The following VPS54 variants were observed in gnomAD, a reference collection of about 807,000 sequenced individuals.
VPS54 encodes vacuolar protein sorting-associated protein 54.
VPS54 carries 45 observed loss-of-function variants against 121.5 expected under a neutral mutation model. The ratio of observed to expected loss-of-function variants is 0.37; its 90% confidence interval spans 0.29 to 0.47. VPS54 has a LOEUF of 0.47. Ranked by LOEUF, VPS54 falls within the 20% of genes least tolerant of loss-of-function variation. The pLI, the probability that VPS54 is intolerant of heterozygous loss-of-function variation, is 0.99. For synonymous variants in VPS54, 371 were observed against 385.8 expected, an observed-to-expected ratio of 0.96 and a Z score of 0.45; for missense variants, 1,090 against 1,131.4, an observed-to-expected ratio of 0.96 and a Z score of 0.52.
chr2:63,899,563 C>G lies in VPS54; in HGVS notation c.2644G>C (p.Val882Leu). ...ATATTCCTGAAACAGGCAGAAGGAA[C>G]AGGAGCCTTCACTTCATACTGGTAG... ...LLSKYEVKAP[V>L]PSACFRNICK... The change falls in exon 21 of 23, where the codon GTT becomes CTT. Residue 882 changes from valine to leucine, a missense_variant. This residue lies in a region of VPS54 where 289 missense variants were observed against 374.4 expected (regional missense o/e 0.77). Coordinates refer to ENST00000272322, the MANE Select transcript of VPS54 (RefSeq NM_016516.3). The G allele has an allele frequency of 2.5e-6, 4 of 1,613,542 alleles. No individual in the cohort carries two copies. The highest frequency in any genetic ancestry group is 2.5e-6 in the Non-Finnish European group (3 of 1,179,890).
intron 3 of VPS54, 106 bp from the exon 4 acceptor site, chr2:63,972,350 G>T: frequency 1.4e-6 from 1 of 711,332 alleles, no homozygotes; most frequent in Non-Finnish European, 2.2e-6. Flanking sequence ...TTAGTCCTAC[G>T]ACTTTTAATA....
chr2:63,965,782 G>A, intron 6 of VPS54, 53 bp downstream of exon 6: 1 of 1,592,846 alleles, frequency 6.3e-7, no homozygotes, highest in Non-Finnish European at 8.5e-7. Flanking sequence ...CAAGCAAACA[G>A]TACCGCTTAA....
intron 12 of VPS54, among the ~76,000 whole-genome samples, chr2:63,925,018 G>A (rs912640651): frequency 1.3e-5 from 2 of 152,228 alleles, no homozygotes; most frequent in Admixed American, 6.5e-5. Context: ...TTCTTAAACA[G>A]GACACAAAGA....
Position 63,955,819 on chromosome 2 carries a change from G to C in VPS54, c.1010+6239C>G, listed in dbSNP as rs115838788. Among the ~76,000 whole-genome samples, 1,246 of 152,046 alleles carry C rather than the reference G, an allele frequency of 8.2e-3. 27 individuals carry two copies. Among genetic ancestry groups the C allele is most frequent in the African/African-American group, 0.029 (1,204 of 41,498 alleles). ...ATTCTTGGCTACTTTGACAATAGAT[G>C]CAATAATAATGATGTATGCATTATT... On this transcript the variant is annotated intron_variant, in intron 7 of 22. Transcript: ENST00000272322.
At chr2:63,995,451 C>G (rs978099598) in intron 1 of VPS54, among the ~76,000 whole-genome samples, 1 of 152,224 alleles carries the variant, frequency 6.6e-6, no homozygotes, top group Non-Finnish European at 1.5e-5. Context: ...TGAAGTGTTA[C>G]AGCGAATTCT....
At position 63,897,480 on chromosome 2, in the gene VPS54, A is replaced by G; in HGVS notation, c.2828+16T>C. 6.6e-7 allele frequency: 1 copy of G among 1,518,562 alleles called. No homozygotes were observed. Among genetic ancestry groups the G allele is most frequent in the Non-Finnish European group, 9.0e-7 (1 of 1,108,862 alleles). 94.1% of individuals were successfully genotyped at this position (1,518,562 alleles called of 1,614,324 possible). On this transcript the variant is annotated intron_variant, in intron 22 of 22. Coordinates refer to ENST00000272322, the MANE Select transcript of VPS54 (RefSeq NM_016516.3). ...TTCGATATGGGAGTATATGGTGAAA[A>G]CGTTAAAAAACATACCCATTTTGAG...
chr2:63,967,514 G>T (rs1676054126), intron 5 of VPS54, among the ~76,000 whole-genome samples: 1 of 151,810 alleles, frequency 6.6e-6, no homozygotes, highest in South Asian at 2.1e-4. Flanking sequence ...AGAAGTTTGA[G>T]ACCAGCCTAG....
intron 1 of VPS54, among the ~76,000 whole-genome samples, chr2:63,987,697 A>G (rs1025243555): frequency 6.6e-6 from 1 of 152,084 alleles, no homozygotes; most frequent in African/African-American, 2.4e-5. Flanking sequence ...TTTGCCTTCA[A>G]TTTCTTGAAC....
At chr2:63,990,719 T>A (rs112368130) in intron 1 of VPS54, among the ~76,000 whole-genome samples, 1 of 152,208 alleles carries the variant, frequency 6.6e-6, no homozygotes, top group Admixed American at 6.5e-5. Context: ...AATGCAACAC[T>A]TATTATGCCA....
intron 4 of VPS54, among the ~76,000 whole-genome samples, chr2:63,970,757 G>A (rs969784029): frequency 2.0e-5 from 3 of 152,032 alleles, no homozygotes; most frequent in African/African-American, 7.2e-5. Flanking sequence ...TCCTTCACAG[G>A]TATCTCATCT....
intron 1 of VPS54, among the ~76,000 whole-genome samples, chr2:63,984,557 G>T (rs2104622139): frequency 6.6e-6 from 1 of 152,288 alleles, no homozygotes; most frequent in South Asian, 2.1e-4. Flanking sequence ...CTCAGAGTTA[G>T]TATTCAGAGG....
At chr2:63,930,694 T>C (rs1160612485) in intron 12 of VPS54, among the ~76,000 whole-genome samples, 1 of 152,098 alleles carries the variant, frequency 6.6e-6, no homozygotes, top group African/African-American at 2.4e-5. Flanking sequence ...AAATAAAGGG[T>C]ATTCAATGTG....
Position 63,921,318 on chromosome 2 carries a change from T to A in VPS54, c.1757A>T (p.Lys586Ile), listed in dbSNP as rs377192534. The part of the protein sequence containing the change: ...GVDIMVSEDM[K>I]LTDSELGKLA... ...CTTTCCTAGCTCTGAGTCAGTTAATTTCATATCTTCACTGACCCTGAAAAT... is the reference window on the plus strand; with the variant it reads ...CTTTCCTAGCTCTGAGTCAGTTAATATCATATCTTCACTGACCCTGAAAAT... Residue 586 changes from lysine (K) to isoleucine (I), a missense_variant, in exon 13 of 23, where the codon AAA (lysine) becomes ATA (isoleucine). This residue lies in a region of VPS54 where 801 missense variants were observed against 757.0 expected (regional missense o/e 1.06). Coordinates refer to ENST00000272322, the MANE Select transcript of VPS54 (RefSeq NM_016516.3). 2.5e-6 allele frequency: 4 copies of A among 1,612,574 alleles called. No individual in the cohort carries two copies. Among genetic ancestry groups the A allele is most frequent in the Non-Finnish European group, 3.4e-6 (4 of 1,179,176 alleles).
intron 1 of VPS54, among the ~76,000 whole-genome samples, chr2:64,008,094 G>A (rs1344938427): frequency 1.3e-5 from 2 of 151,868 alleles, no homozygotes; most frequent in Admixed American, 1.3e-4. Flanking sequence ...CAAACAGCAA[G>A]AAGCCAATTG....
At chr2:63,964,441 C>A (rs1405538987) in intron 6 of VPS54, among the ~76,000 whole-genome samples, 1 of 151,948 alleles carries the variant, frequency 6.6e-6, no homozygotes, top group Non-Finnish European at 1.5e-5. Context: ...TTAAAAGTAC[C>A]TGTATACATT....
intron 12 of VPS54, among the ~76,000 whole-genome samples, chr2:63,930,243 A>G (rs1674125579): frequency 1.3e-5 from 2 of 152,252 alleles, no homozygotes; most frequent in African/African-American, 2.4e-5. Context: ...TCCCTGATGA[A>G]CATCGATGAG....
intron 3 of VPS54, chr2:63,975,327 C>T: frequency 3.7e-6 from 1 of 270,648 alleles, no homozygotes; most frequent in Non-Finnish European, 7.0e-6. Flanking sequence ...TAGTTTAAAA[C>T]AAAGATGATA....
intron 7 of VPS54, among the ~76,000 whole-genome samples, 195 bp downstream of exon 7, chr2:63,961,863 T>C (rs562739780): frequency 9.8e-5 from 15 of 152,320 alleles, no homozygotes; most frequent in Non-Finnish European, 1.8e-4. Context: ...CAAATGTCTC[T>C]GAAAATATTA....
At chr2:63,949,219 TC>T in intron 7 of VPS54, 56 bp from the exon 8 acceptor site, 7 of 1,545,332 alleles carry the variant, frequency 4.5e-6, no homozygotes, top group Non-Finnish European at 6.1e-6. Flanking sequence ...ACAAATTCGC[TC>T]CACAATCAAG....
Sources: gnomAD v4.1 joint callset for allele counts (sites outside exome capture counted in the v4.1 genomes callset) on GRCh38, gnomAD v4.1.1 for gene constraint, gnomAD v4.1.1 regional missense constraint, MANE v1.5 for transcripts, NCBI Gene and HGNC (gene_info 2026-07-23, HGNC 2026-07-21) for gene names.